Variants in RAB5A observed in about 807,000 individuals in gnomAD.
RAB5A encodes ras-related protein Rab-5A.
RAB5A carries 8 observed loss-of-function variants against 25.7 expected under a neutral mutation model. The ratio of observed to expected loss-of-function variants is 0.31; its 90% CI spans 0.18 to 0.56. The LOEUF (loss-of-function observed/expected upper bound fraction) is 0.56, where lower values mean the gene tolerates loss of function less well. Among genes scored for constraint, RAB5A ranks in the 20% least tolerant of loss-of-function variants. The probability of loss-of-function intolerance (pLI) is 0.91; values close to 1 mark genes in which losing one functional copy is unlikely to be tolerated. For synonymous variants in RAB5A, 98 were observed against 89.8 expected (o/e 1.09, Z -0.52); for missense variants, 192 against 259.7 (o/e 0.74, Z 1.79).
At chr3:19,978,530 TGA>T (rs954603969) in intron 5 of RAB5A, 127 bp downstream of exon 5, 7,731 of 551,696 alleles carry the variant, frequency 0.014, no homozygotes, top group South Asian at 0.021. Context: ...TGTGTGTGTG[TGA>T]GAGAGAGAGA....
chr3:19,975,678 C>T lies in RAB5A; in HGVS notation c.241C>T (p.Arg81Ter), dbSNP rs1049089. The T allele has an allele frequency of 1.2e-6, 2 of 1,613,578 alleles. No homozygotes were observed. The highest frequency in any genetic ancestry group is 1.3e-5 in the African/African-American group (1 of 74,874). ...FEIWDTAGQE[R>*]YHSLAPMYYR... is the part of the protein sequence containing the mutation. ...AATATGGGATACAGCTGGTCAAGAACGATACCATAGCCTAGCACCAATGTA... is the reference window on the plus strand; with the variant it reads ...AATATGGGATACAGCTGGTCAAGAATGATACCATAGCCTAGCACCAATGTA... Residue 81 changes from arginine (R) to a stop codon, truncating the protein, a stop_gained, in exon 3 of 6, where the codon CGA (arginine) becomes TGA (stop). Transcript: ENST00000273047. LOFTEE classifies it high-confidence loss of function.
Position 19,947,285 on chromosome 3 carries a change from C to CGGCGGCGGCGGT in RAB5A, c.-328_-327insCGGCGGCGGTGG. On this transcript the variant is annotated 5_prime_UTR_variant, in exon 1 of 6. Transcript: ENST00000273047. ...CCAGCGCCGGCGGCGGCGGCGGCGG[C>CGGCGGCGGCGGT]GGAGGAGGAGAAAGGAAAGAGGAAG... The CGGCGGCGGCGGT allele has an allele frequency of 1.1e-5, 2 of 183,370 alleles. No homozygotes were observed. Among genetic ancestry groups the CGGCGGCGGCGGT allele is most frequent in the South Asian group, 9.1e-5 (1 of 10,974 alleles). 11.4% of individuals were successfully genotyped at this position (183,370 alleles called of 1,614,324 possible).
intron 1 of RAB5A, among the ~76,000 whole-genome samples, chr3:19,949,621 CTGTT>C (rs1201257419): frequency 6.6e-6 from 1 of 152,154 alleles, no homozygotes; most frequent in Admixed American, 6.5e-5. Context: ...TAGAAGGAAA[CTGTT>C]AAGATTGGTT....
At chr3:19,979,346 C>T (rs1287077584) in intron 5 of RAB5A, among the ~76,000 whole-genome samples, 2 of 149,644 alleles carry the variant, frequency 1.3e-5, no homozygotes, top group Non-Finnish European at 3.0e-5. Context: ...TGCAGTGGGA[C>T]GATCTCGGCT....
chr3:19,981,348 AC>A (rs1216018266), intron 5 of RAB5A, among the ~76,000 whole-genome samples: 1 of 152,068 alleles, frequency 6.6e-6, no homozygotes, highest in Non-Finnish European at 1.5e-5. Context: ...GTGGCTCACT[AC>A]CTGTAATCCC....
At chr3:19,980,092 A>G (rs533118125) in intron 5 of RAB5A, 1 of 152,340 alleles carries the variant, frequency 6.6e-6, no homozygotes, top group East Asian at 1.9e-4. Flanking sequence ...GCAGTTTGCT[A>G]GGGAAGTGCT....
intron 2 of RAB5A, among the ~76,000 whole-genome samples, chr3:19,967,089 C>G (rs1696672201): frequency 1.3e-5 from 2 of 152,036 alleles, no homozygotes; most frequent in South Asian, 4.1e-4. Context: ...CTGTGCCCAG[C>G]TCTTATTGGT....
chr3:19,978,238 C>G, intron 4 of RAB5A, 72 bp from the exon 5 acceptor site: 1 of 974,200 alleles, frequency 1.0e-6, no homozygotes, highest in Non-Finnish European at 1.6e-6. Context: ...TTTTCTATAA[C>G]AAGTTTAAAG....
intron 2 of RAB5A, among the ~76,000 whole-genome samples, chr3:19,956,222 C>G (rs1381432426): frequency 6.6e-6 from 1 of 152,124 alleles, no homozygotes; most frequent in African/African-American, 2.4e-5. Flanking sequence ...AATCCCAGCA[C>G]TTTGGGAGGG....
chr3:19,964,255 A>G (rs924006113), intron 2 of RAB5A, among the ~76,000 whole-genome samples: 4 of 152,232 alleles, frequency 2.6e-5, no homozygotes, highest in Non-Finnish European at 2.9e-5. Context: ...CTACCTACCT[A>G]TAGATATCTA....
chr3:19,948,730 C>G (rs1022562632), intron 1 of RAB5A, among the ~76,000 whole-genome samples: 1 of 151,130 alleles, frequency 6.6e-6, no homozygotes, highest in African/African-American at 2.4e-5. Context: ...AAAGTGAAAT[C>G]AGAATCTTGT....
chr3:19,952,760 T>C (rs893781588), intron 2 of RAB5A, among the ~76,000 whole-genome samples: 3 of 152,120 alleles, frequency 2.0e-5, no homozygotes, highest in Non-Finnish European at 2.9e-5. Flanking sequence ...ATTTTTTTTT[T>C]CCCTGAAAGT....
intron 2 of RAB5A, among the ~76,000 whole-genome samples, chr3:19,958,105 A>G (rs983792770): frequency 4.6e-5 from 7 of 152,220 alleles, no homozygotes; most frequent in African/African-American, 7.2e-5. Flanking sequence ...CTTTTGAGAA[A>G]GGATAGAAGA....
chr3:19,956,376 C>G (rs1696502267), intron 2 of RAB5A, among the ~76,000 whole-genome samples: 1 of 152,068 alleles, frequency 6.6e-6, no homozygotes, highest in Non-Finnish European at 1.5e-5. Flanking sequence ...AACATTTGAA[C>G]CCAGGAAGCG....
chr3:19,960,957 A>G (rs2125183307), intron 2 of RAB5A, among the ~76,000 whole-genome samples: 2 of 152,358 alleles, frequency 1.3e-5, no homozygotes, highest in South Asian at 4.1e-4. Flanking sequence ...AGCTTTTCTC[A>G]GTCAAAAAAC....
At chr3:19,955,024 G>C (rs187611726) in intron 2 of RAB5A, among the ~76,000 whole-genome samples, 1 of 152,306 alleles carries the variant, frequency 6.6e-6, no homozygotes, top group African/African-American at 2.4e-5. Flanking sequence ...AGTAGGCTCA[G>C]AGAGTTGTCT....
At chr3:19,983,675 A>C in intron 5 of RAB5A, 33 bp from the exon 6 acceptor site, 1 of 1,421,724 alleles carries the variant, frequency 7.0e-7, no homozygotes, top group Non-Finnish European at 9.8e-7. Context: ...ATGAGTATTC[A>C]AATATTCTAT....
At chr3:19,982,010 C>T (rs995037758) in intron 5 of RAB5A, among the ~76,000 whole-genome samples, 6 of 151,522 alleles carry the variant, frequency 4.0e-5, no homozygotes, top group Non-Finnish European at 5.9e-5. Flanking sequence ...TGAGAGGCCA[C>T]GGTGGGATGA....
In RAB5A at chr3:19,971,765, G is replaced by A. The variant is rs1217961407; in HGVS notation, c.164-3836G>A. Among the ~76,000 whole-genome samples the A allele has an allele frequency of 4.6e-5, 7 of 152,188 alleles. 1 individual carries two copies. The East Asian group carries it at 1.4e-3, about 29-fold the overall frequency. ...GCTGGGATTACAGGTGGAAGCCACC[G>A]CACCTGGCCCAGTACAGTGTTATCA... On this transcript the variant is annotated intron_variant, in intron 2 of 5. Coordinates refer to ENST00000273047, the MANE Select transcript of RAB5A (RefSeq NM_004162.5).
Sources: gnomAD v4.1 joint callset for allele counts (sites outside exome capture counted in the v4.1 genomes callset) on GRCh38, gnomAD v4.1.1 for gene constraint, MANE v1.5 for transcripts, NCBI Gene and HGNC (gene_info 2026-07-23, HGNC 2026-07-21) for gene names.